The following PPA2 variants were observed in gnomAD, a reference collection of about 807,000 sequenced individuals.
PPA2 encodes inorganic pyrophosphatase 2, mitochondrial.
In PPA2, 48 loss-of-function variants were observed where a neutral mutation model predicts 49.5. That is an observed-to-expected ratio of 0.97 (90% CI 0.77 to 1.23). PPA2 has a LOEUF of 1.23. Among genes scored for constraint, PPA2 ranks in the 50% most tolerant of loss-of-function variants. The pLI is 0.00. For synonymous variants in PPA2, 131 were observed against 139.9 expected (o/e 0.94, Z 0.45); for missense variants, 429 against 410.1 (o/e 1.05, Z -0.40).
chr4:105,440,604 T>C (rs1468616876), intron 5 of PPA2, among the ~76,000 whole-genome samples: 2 of 152,166 alleles, frequency 1.3e-5, no homozygotes, highest in Non-Finnish European at 2.9e-5. Context: ...AATGCTGAGA[T>C]TGTTAGTGCT....
At chr4:105,473,785 C>A in intron 1 of PPA2, 109 bp downstream of exon 1, 2 of 1,483,812 alleles carry the variant, frequency 1.3e-6, no homozygotes, top group Non-Finnish European at 1.8e-6. Flanking sequence ...GCTGAGGGCC[C>A]CAAAAAGAGA....
At chr4:105,410,715 C>G (rs549309457) in intron 7 of PPA2, among the ~76,000 whole-genome samples, 3 of 152,322 alleles carry the variant, frequency 2.0e-5, no homozygotes, top group Non-Finnish European at 4.4e-5. Flanking sequence ...CAGCTGATCA[C>G]TCTGCAGAAA....
chr4:105,394,478 AC>A (rs1734055810), intron 9 of PPA2, among the ~76,000 whole-genome samples: 1 of 151,814 alleles, frequency 6.6e-6, no homozygotes, highest in Non-Finnish European at 1.5e-5. Context: ...CTTTATGTGG[AC>A]TCAATTTCTT....
chr4:105,411,618 G>A (rs1299618625), intron 7 of PPA2, among the ~76,000 whole-genome samples: 2 of 152,104 alleles, frequency 1.3e-5, no homozygotes, highest in Admixed American at 6.6e-5. Context: ...TGAAATAAAG[G>A]GTATTCGATA....
At chr4:105,386,728 C>G in intron 9 of PPA2, 92 bp from the exon 10 acceptor site, 1 of 940,420 alleles carries the variant, frequency 1.1e-6, no homozygotes, top group Non-Finnish European at 1.6e-6. Flanking sequence ...TACTCCACAT[C>G]TGTTGTATAA....
intron 7 of PPA2, among the ~76,000 whole-genome samples, chr4:105,419,554 C>T (rs1723161612): frequency 6.6e-6 from 1 of 152,124 alleles, no homozygotes; most frequent in South Asian, 2.1e-4. Flanking sequence ...AGACTTAAAA[C>T]AGTAATGTTA....
chr4:105,421,841 A>G (rs958841805), intron 7 of PPA2, among the ~76,000 whole-genome samples: 1 of 152,106 alleles, frequency 6.6e-6, no homozygotes, highest in Non-Finnish European at 1.5e-5. Flanking sequence ...CCAGGAGTCC[A>G]AGACCAGCCT....
At chr4:105,409,863 CA>C (rs1722670733) in intron 7 of PPA2, among the ~76,000 whole-genome samples, 1 of 152,294 alleles carries the variant, frequency 6.6e-6, no homozygotes, top group Admixed American at 6.5e-5. Flanking sequence ...GGAATAGCAT[CA>C]ACATCAACAA....
chr4:105,474,067 C>G (rs777178050), upstream of PPA2: 10 of 1,532,574 alleles, frequency 6.5e-6, no homozygotes, highest in African/African-American at 1.2e-4. Flanking sequence ...AATGACGGTC[C>G]TGCTGTGCGC....
chr4:105,417,334 AAAT>A (rs1331407851), intron 7 of PPA2, among the ~76,000 whole-genome samples: 1 of 152,198 alleles, frequency 6.6e-6, no homozygotes, highest in East Asian at 1.9e-4. Flanking sequence ...AACAAGCTAA[AAAT>A]AATAGATTAA....
intron 10 of PPA2, among the ~76,000 whole-genome samples, chr4:105,374,858 C>CTT (rs377243001): frequency 1.7e-3 from 226 of 131,814 alleles, no homozygotes; most frequent in South Asian, 0.014. Context: ...TTTCTTTTTT[C>CTT]TTTTTTTTTT....
Position 105,449,343 on chromosome 4 carries a change from T to A in PPA2, c.321+7A>T. 6.5e-7 allele frequency: 1 copy of A among 1,539,930 alleles called. No individual in the cohort carries two copies. Among genetic ancestry groups the A allele is most frequent in the Non-Finnish European group, 8.9e-7 (1 of 1,120,732 alleles). On this transcript the variant is annotated splice_region_variant and intron_variant, in intron 4 of 11. Transcript: ENST00000341695. The stretch of plus-strand genomic sequence containing the variant: ...TTCGGTTTCATATTAATAAAGTATA[T>A]CGGTACCTCCATTTTAGCATTTGTC...
At chr4:105,416,813 C>T (rs1376929242) in intron 7 of PPA2, among the ~76,000 whole-genome samples, 1 of 152,170 alleles carries the variant, frequency 6.6e-6, no homozygotes, top group African/African-American at 2.4e-5. Flanking sequence ...CCCTTTCCTT[C>T]TCCATTCTCC....
At chr4:105,427,472 T>C (rs1332502368) in intron 6 of PPA2, among the ~76,000 whole-genome samples, 1 of 152,062 alleles carries the variant, frequency 6.6e-6, no homozygotes, top group Non-Finnish European at 1.5e-5. Context: ...GACGAATGGC[T>C]AACTAGAATC....
intron 4 of PPA2, 144 bp downstream of exon 4, chr4:105,449,206 G>T (rs1722553455): frequency 6.5e-6 from 2 of 308,316 alleles, no homozygotes; most frequent in South Asian, 3.4e-5. Flanking sequence ...GACAGAGCGA[G>T]ACTCCGTCTC....
chr4:105,420,401 G>A (rs1243477588), intron 7 of PPA2, among the ~76,000 whole-genome samples: 2 of 152,002 alleles, frequency 1.3e-5, no homozygotes, highest in African/African-American at 2.4e-5. Flanking sequence ...CAACCATGCC[G>A]GCCAAGGATT....
chr4:105,388,988 AAAAC>A (rs1461636399), intron 9 of PPA2, among the ~76,000 whole-genome samples: 1 of 152,138 alleles, frequency 6.6e-6, no homozygotes. Context: ...CTATCAGCTA[AAAAC>A]AGTGCCAACA....
chr4:105,410,660 G>A (rs1722709718), intron 7 of PPA2, among the ~76,000 whole-genome samples: 1 of 152,242 alleles, frequency 6.6e-6, no homozygotes, highest in Admixed American at 6.5e-5. Context: ...AGGGCAGCCA[G>A]AGAGAAAGGT....
chr4:105,395,986 C>T (rs764421164), intron 9 of PPA2, among the ~76,000 whole-genome samples: 12 of 152,060 alleles, frequency 7.9e-5, no homozygotes, highest in Middle Eastern at 3.4e-3. Context: ...TGAAAAATTG[C>T]GTTTTTCATC....
Sources: allele counts gnomAD v4.1 joint callset (sites outside exome capture counted in the v4.1 genomes callset), GRCh38; gene constraint gnomAD v4.1.1; transcripts MANE v1.5; gene names NCBI Gene and HGNC (gene_info 2026-07-23, HGNC 2026-07-21).